The following IRAK3 variants were observed in gnomAD, a reference collection of about 807,000 sequenced individuals.
IRAK3 encodes interleukin-1 receptor-associated kinase 3.
In IRAK3, 57 loss-of-function variants were observed where a neutral mutation model predicts 56.6. The observed-to-expected ratio is 1.01, with a 90% CI of 0.81 to 1.26. IRAK3 has a LOEUF of 1.26. Among genes scored for constraint, IRAK3 ranks in the 50% most tolerant of loss-of-function variants. The pLI, the probability that IRAK3 is intolerant of heterozygous loss-of-function variation, is 0.00. For missense variants in IRAK3, 703 were observed against 719.0 expected (o/e 0.98, Z 0.25); for synonymous variants, 258 against 255.7 (o/e 1.01, Z -0.09).
chr12:66,211,112 G>A (rs2052606727), intron 4 of IRAK3, among the ~76,000 whole-genome samples: 1 of 152,132 alleles, frequency 6.6e-6, no homozygotes, highest in Non-Finnish European at 1.5e-5. Context: ...AGTAGTTTTA[G>A]GTTCATAGTG....
chr12:66,215,790 A>ACGTGCGCGCGCGCGTGCG (rs1225435769), intron 5 of IRAK3, among the ~76,000 whole-genome samples: 2 of 103,152 alleles, frequency 1.9e-5, no homozygotes, highest in Middle Eastern at 0.01. Context: ...CAACATGCAC[A>ACGTGCGCGCGCGCGTGCG]CACACACACA....
intron 2 of IRAK3, among the ~76,000 whole-genome samples, chr12:66,206,651 A>T (rs1185440989): frequency 6.6e-6 from 1 of 152,090 alleles, no homozygotes; most frequent in African/African-American, 2.4e-5. Context: ...TTGCATCTAT[A>T]TTTGTAAGAG....
chr12:66,210,727 A>G (rs1195471137), intron 4 of IRAK3, among the ~76,000 whole-genome samples: 2 of 152,174 alleles, frequency 1.3e-5, no homozygotes, highest in African/African-American at 2.4e-5. Context: ...CTTTGCCACT[A>G]GATCTGATGC....
intron 8 of IRAK3, among the ~76,000 whole-genome samples, chr12:66,241,777 C>G (rs1015584844): frequency 3.3e-5 from 5 of 152,226 alleles, no homozygotes; most frequent in Non-Finnish European, 2.9e-5. Context: ...TGGCCTTTCA[C>G]TGACCCAAAG....
At chr12:66,196,613 G>T (rs1318776603) in intron 1 of IRAK3, among the ~76,000 whole-genome samples, 1 of 152,090 alleles carries the variant, frequency 6.6e-6, no homozygotes, top group Admixed American at 6.6e-5. Context: ...ACAGCCCTCC[G>T]CAGTTATGAG....
At chr12:66,230,149 A>C (rs529536547) in intron 8 of IRAK3, among the ~76,000 whole-genome samples, 4 of 152,232 alleles carry the variant, frequency 2.6e-5, no homozygotes, top group African/African-American at 7.2e-5. Context: ...CACAGCTGAA[A>C]CTGGGCAAGG....
In IRAK3 at chr12:66,217,155, C is replaced by G. The variant is rs753302024; in HGVS notation, c.589-16C>G. ...ATCCTTTCCTTAATTTTGTTCTTGTCTTTCTGTATATGTAGGAGAAAAAAA... is the reference window on the plus strand; with the variant it reads ...ATCCTTTCCTTAATTTTGTTCTTGTGTTTCTGTATATGTAGGAGAAAAAAA... On this transcript the variant is annotated splice_polypyrimidine_tract_variant and intron_variant, in intron 5 of 11. Coordinates refer to ENST00000261233, the MANE Select transcript of IRAK3 (RefSeq NM_007199.3). 6.4e-7 allele frequency: 1 copy of G among 1,573,280 alleles called. No homozygotes were observed. Among genetic ancestry groups the G allele is most frequent in the African/African-American group, 1.3e-5 (1 of 74,090 alleles).
At chr12:66,237,605 G>A (rs781208429) in intron 8 of IRAK3, among the ~76,000 whole-genome samples, 1 of 152,210 alleles carries the variant, frequency 6.6e-6, no homozygotes, top group Non-Finnish European at 1.5e-5. Flanking sequence ...CTGCTATTAA[G>A]CGGTTTTGCA....
At chr12:66,217,084 T>A in intron 5 of IRAK3, 87 bp from the exon 6 acceptor site, 1 of 927,614 alleles carries the variant, frequency 1.1e-6, no homozygotes, top group Non-Finnish European at 1.8e-6. Flanking sequence ...AAAGTTCATC[T>A]AATTTAGGGA....
At position 66,244,946 on chromosome 12, in the gene IRAK3, A is replaced by G. The variant is rs2053011876; in HGVS notation, c.1087-2A>G. 6.2e-7 allele frequency: 1 copy of G among 1,603,048 alleles called. No individual in the cohort carries two copies. Among genetic ancestry groups the G allele is most frequent in the Non-Finnish European group, 8.5e-7 (1 of 1,169,946 alleles). ...AGCTGACTTTCTATATATTCCTTGT[A>G]GGTAATAATGGAAGTTCTAACAGGA... On this transcript the variant is annotated splice_acceptor_variant, in intron 9 of 11. Coordinates refer to ENST00000261233, the MANE Select transcript of IRAK3 (RefSeq NM_007199.3). LOFTEE classifies it high-confidence loss of function.
intron 1 of IRAK3, among the ~76,000 whole-genome samples, chr12:66,189,682 A>G (rs1011777234): frequency 6.6e-6 from 1 of 152,200 alleles, no homozygotes; most frequent in East Asian, 1.9e-4. Flanking sequence ...GAGGCCTGGG[A>G]AAGACAGATA....
Position 66,248,078 on chromosome 12 carries a change from A to C in IRAK3, c.1698A>C (p.Glu566Asp). ...AGGTAAATATAGATCCTTCTTCAGA[A>C]GCTCCAGGGCATTCTTGCAGGAGCA... ...PYKVNIDPSS[E>D]APGHSCRSRP... The change falls in exon 12 of 12, where the codon GAA (glutamate) becomes GAC (aspartate). Residue 566 changes from glutamate (E) to aspartate (D), a missense_variant. Coordinates refer to ENST00000261233, the MANE Select transcript of IRAK3 (RefSeq NM_007199.3). 1 of 1,592,930 alleles carries C rather than the reference A, an allele frequency of 6.3e-7. No homozygotes were observed. The highest frequency in any genetic ancestry group is 1.8e-5 in the Admixed American group (1 of 54,776).
At chr12:66,233,354 T>C (rs2052864428) in intron 8 of IRAK3, among the ~76,000 whole-genome samples, 1 of 152,010 alleles carries the variant, frequency 6.6e-6, no homozygotes, top group African/African-American at 2.4e-5. Context: ...CCGTCTCTAC[T>C]AAAAATACAA....
At chr12:66,224,969 T>G (rs1230519660) in intron 6 of IRAK3, among the ~76,000 whole-genome samples, 1 of 152,166 alleles carries the variant, frequency 6.6e-6, no homozygotes, top group African/African-American at 2.4e-5. Flanking sequence ...TTGGGTGGCA[T>G]GGGTCCATAG....
At chr12:66,191,090 A>G (rs2052394614) in intron 1 of IRAK3, among the ~76,000 whole-genome samples, 1 of 152,202 alleles carries the variant, frequency 6.6e-6, no homozygotes, top group South Asian at 2.1e-4. Flanking sequence ...CAGAGACTCA[A>G]AAGCAGACAG....
At chr12:66,246,166 C>T (rs1198325124) in intron 11 of IRAK3, among the ~76,000 whole-genome samples, 5 of 152,010 alleles carry the variant, frequency 3.3e-5, no homozygotes, top group African/African-American at 9.7e-5. Flanking sequence ...ATAGATATGA[C>T]GGTTTAGCTA....
intron 2 of IRAK3, among the ~76,000 whole-genome samples, chr12:66,208,782 C>T (rs2052583402): frequency 7.1e-6 from 1 of 141,580 alleles, no homozygotes; most frequent in African/African-American, 2.7e-5. Flanking sequence ...AAAAAAGGCC[C>T]AGTGTGGTGG....
intron 8 of IRAK3, among the ~76,000 whole-genome samples, chr12:66,236,791 G>GTATTCTCTTAA (rs2052913150): frequency 3.3e-5 from 5 of 152,104 alleles, no homozygotes; most frequent in Non-Finnish European, 7.3e-5. Context: ...AGGAGAACGT[G>GTATTCTCTTAA]ACCCTGTATT....
chr12:66,209,022 G>A (rs1265522895), intron 2 of IRAK3, among the ~76,000 whole-genome samples: 1 of 146,834 alleles, frequency 6.8e-6, no homozygotes, highest in South Asian at 2.1e-4. Flanking sequence ...GCAATGAGCC[G>A]AGATCATGCC....
Sources: gnomAD v4.1 joint callset for allele counts (sites outside exome capture counted in the v4.1 genomes callset) on GRCh38, gnomAD v4.1.1 for gene constraint, MANE v1.5 for transcripts, NCBI Gene and HGNC (gene_info 2026-07-23, HGNC 2026-07-21) for gene names.